The following ASTN2 variants were observed in gnomAD, a reference collection of about 807,000 sequenced individuals.
The protein encoded by ASTN2 is astrotactin-2.
In ASTN2, 54 loss-of-function variants were observed where a neutral mutation model predicts 139.8. The observed-to-expected ratio is 0.39, with a 90% CI of 0.31 to 0.48. The LOEUF (loss-of-function observed/expected upper bound fraction) is 0.48, where lower values mean the gene tolerates loss of function less well. Ranked by LOEUF, ASTN2 falls within the 20% of genes least tolerant of loss-of-function variation. The probability of loss-of-function intolerance (pLI) is 0.95; values close to 1 mark genes in which losing one functional copy is unlikely to be tolerated. For synonymous variants in ASTN2, 756 were observed against 719.5 expected (o/e 1.05, Z -0.81); for missense variants, 1,565 against 1,725.1 (o/e 0.91, Z 1.64).
chr9:116,500,028 G>C (rs1281133736), intron 19 of ASTN2, among the ~76,000 whole-genome samples: 1 of 151,978 alleles, frequency 6.6e-6, no homozygotes, highest in African/African-American at 2.4e-5. Flanking sequence ...CTATCTGCCA[G>C]ACACCACACC....
At chr9:117,412,639 C>A (rs930346451) in intron 1 of ASTN2, among the ~76,000 whole-genome samples, 1 of 152,200 alleles carries the variant, frequency 6.6e-6, no homozygotes, top group African/African-American at 2.4e-5. Flanking sequence ...TCAGGCCATA[C>A]CCAAGGACCG....
chr9:117,017,938 C>T (rs1156407255), intron 6 of ASTN2, among the ~76,000 whole-genome samples: 1 of 147,514 alleles, frequency 6.8e-6, no homozygotes, highest in African/African-American at 2.5e-5. Context: ...CCTTGGGACA[C>T]AGCCAGATAT....
At chr9:117,350,417 G>A (rs543686517) in intron 1 of ASTN2, among the ~76,000 whole-genome samples, 22 of 152,114 alleles carry the variant, frequency 1.4e-4, no homozygotes, top group Non-Finnish European at 2.4e-4. Flanking sequence ...AAGCGTGGTC[G>A]TGGGCACCTG....
chr9:117,165,023 G>A (rs1400750201), intron 3 of ASTN2, among the ~76,000 whole-genome samples: 1 of 152,040 alleles, frequency 6.6e-6, no homozygotes, highest in Non-Finnish European at 1.5e-5. Flanking sequence ...GGCTGGTGTA[G>A]GGTAGATGAA....
intron 3 of ASTN2, among the ~76,000 whole-genome samples, chr9:117,203,552 T>C (rs550042479): frequency 2.6e-5 from 4 of 152,250 alleles, no homozygotes; most frequent in African/African-American, 9.6e-5. Context: ...GTTGTTGTTG[T>C]GGATGATGCT....
intron 10 of ASTN2, among the ~76,000 whole-genome samples, chr9:116,892,453 T>C (rs1833784310): frequency 6.6e-6 from 1 of 152,166 alleles, no homozygotes; most frequent in Admixed American, 6.5e-5. Flanking sequence ...TGATGAATTG[T>C]TGACCTGGCT....
intron 16 of ASTN2, among the ~76,000 whole-genome samples, chr9:116,711,525 T>C (rs993886443): frequency 6.6e-6 from 1 of 152,228 alleles, no homozygotes; most frequent in Admixed American, 6.5e-5. Flanking sequence ...TTACCTTCTT[T>C]TTGATCACCA....
At chr9:116,630,432 G>A (rs572763045) in intron 17 of ASTN2, among the ~76,000 whole-genome samples, 1 of 152,136 alleles carries the variant, frequency 6.6e-6, no homozygotes. Context: ...CACAAATCTA[G>A]GAATTAGGAC....
chr9:116,901,169 C>T (rs1411606652), intron 10 of ASTN2, among the ~76,000 whole-genome samples: 1 of 152,032 alleles, frequency 6.6e-6, no homozygotes, highest in Non-Finnish European at 1.5e-5. Flanking sequence ...TACTTTAACT[C>T]ACCTTATATG....
chr9:117,397,924 T>C (rs1477993642), intron 1 of ASTN2, among the ~76,000 whole-genome samples: 1 of 152,194 alleles, frequency 6.6e-6, no homozygotes, highest in Non-Finnish European at 1.5e-5. Flanking sequence ...CAGGTTGTAA[T>C]AACTAGTCCC....
At chr9:117,239,463 G>T (rs1325116655) in intron 2 of ASTN2, among the ~76,000 whole-genome samples, 1 of 152,142 alleles carries the variant, frequency 6.6e-6, no homozygotes, top group African/African-American at 2.4e-5. Flanking sequence ...CAACATCTGG[G>T]CCACTGTTGT....
chr9:116,778,120 C>A (rs1405377862), intron 13 of ASTN2, among the ~76,000 whole-genome samples: 1 of 152,156 alleles, frequency 6.6e-6, no homozygotes. Flanking sequence ...GCTGGGAGTA[C>A]CATGCCTGGC....
chr9:116,547,949 A>G (rs1228764422), intron 19 of ASTN2, among the ~76,000 whole-genome samples: 1 of 151,582 alleles, frequency 6.6e-6, no homozygotes, highest in African/African-American at 2.4e-5. Context: ...GGAGGCATAC[A>G]CTCCCAACTC....
intron 16 of ASTN2, among the ~76,000 whole-genome samples, chr9:116,676,523 G>A (rs1216419753): frequency 6.6e-6 from 1 of 152,176 alleles, no homozygotes; most frequent in African/African-American, 2.4e-5. Context: ...CCTCTGTCTT[G>A]TTTTGTGTCC....
chr9:116,751,033 C>T (rs578095748), intron 13 of ASTN2, among the ~76,000 whole-genome samples: 1 of 152,158 alleles, frequency 6.6e-6, no homozygotes, highest in Non-Finnish European at 1.5e-5. Flanking sequence ...TACAGTCATG[C>T]TGAGCCTCAG....
intron 19 of ASTN2, among the ~76,000 whole-genome samples, chr9:116,608,288 T>C (rs1183344043): frequency 2.6e-5 from 4 of 152,164 alleles, no homozygotes; most frequent in Non-Finnish European, 4.4e-5. Context: ...GATTGATGTA[T>C]GTACATGAGA....
At chr9:117,193,940 G>T (rs925854624) in intron 3 of ASTN2, among the ~76,000 whole-genome samples, 7 of 148,938 alleles carry the variant, frequency 4.7e-5, no homozygotes, top group African/African-American at 9.9e-5. Flanking sequence ...TAATTCCCAT[G>T]CAGGGAGCAG....
intron 16 of ASTN2, among the ~76,000 whole-genome samples, chr9:116,708,398 C>T (rs1199591395): frequency 2.0e-5 from 3 of 152,166 alleles, no homozygotes; most frequent in Non-Finnish European, 4.4e-5. Context: ...GCGACTCAGC[C>T]ACAATTTGCC....
At chr9:116,631,882 G>A (rs1161500711) in intron 17 of ASTN2, among the ~76,000 whole-genome samples, 1 of 151,992 alleles carries the variant, frequency 6.6e-6, no homozygotes, top group Non-Finnish European at 1.5e-5. Flanking sequence ...TTGGGATGCC[G>A]AGGCAGGCGG....
Sources: allele counts gnomAD v4.1 joint callset (sites outside exome capture counted in the v4.1 genomes callset), GRCh38; gene constraint gnomAD v4.1.1; transcripts MANE v1.5; gene names NCBI Gene and HGNC (gene_info 2026-07-23, HGNC 2026-07-21).